ZNF217: variants seen among roughly 807,000 people sequenced by gnomAD.
The protein encoded by ZNF217 is zinc finger protein 217.
In ZNF217, 12 loss-of-function variants were observed where a neutral mutation model predicts 73.3. That is an observed-to-expected ratio of 0.16 (90% CI 0.10 to 0.27). The LOEUF (loss-of-function observed/expected upper bound fraction) is 0.27, where lower values mean the gene tolerates loss of function less well. Among genes scored for constraint, ZNF217 ranks in the 10% least tolerant of loss-of-function variants. The probability of loss-of-function intolerance (pLI) is 1.00; values close to 1 mark genes in which losing one functional copy is unlikely to be tolerated. For missense variants in ZNF217, 1,195 were observed against 1,327.8 expected (o/e 0.90, Z 1.55); for synonymous variants, 588 against 516.4 (o/e 1.14, Z -1.88).
upstream of ZNF217, among the ~76,000 whole-genome samples, chr20:53,596,057 T>A (rs1989036027): frequency 6.6e-6 from 1 of 152,096 alleles, no homozygotes; most frequent in South Asian, 2.1e-4. Context: ...AGGGAAACAA[T>A]CAAATATTTT....
At chr20:53,591,105 G>A (rs1240665661) in intron 1 of ZNF217, among the ~76,000 whole-genome samples, 5 of 152,060 alleles carry the variant, frequency 3.3e-5, no homozygotes, top group African/African-American at 1.2e-4. Flanking sequence ...AGGGTAAAGG[G>A]GAGAAAAGTT....
At position 53,576,945 on chromosome 20, in the gene ZNF217, C is replaced by T; in HGVS notation, c.1819G>A (p.Ala607Thr). The stretch of plus-strand genomic sequence containing the variant: ...TTCACTTTATCAGCACTGTCATCAG[C>T]TGCATTTTTATGGAAATCCTGAGTA... The part of the protein sequence containing the change: ...KDTQDFHKNA[A>T]DDSADKVNKN... The change falls in exon 4 of 6, where the codon GCT becomes ACT. Residue 607 changes from alanine (A) to threonine (T), a missense_variant. By Grantham distance (58) the Ala-to-Thr change is moderately conservative. Transcript: ENST00000371471. 6.2e-7 allele frequency: 1 copy of T among 1,614,190 alleles called. No individual in the cohort carries two copies. Among genetic ancestry groups the T allele is most frequent in the Non-Finnish European group, 8.5e-7 (1 of 1,180,044 alleles).
intron 4 of ZNF217, among the ~76,000 whole-genome samples, chr20:53,573,251 G>C (rs1988097058): frequency 1.3e-5 from 2 of 151,918 alleles, no homozygotes; most frequent in African/African-American, 4.8e-5. Flanking sequence ...AGCCTCTGGA[G>C]TAGCTGGGAT....
Position 53,578,426 on chromosome 20 carries a change from A to C in ZNF217, c.1391T>G (p.Ile464Arg), listed in dbSNP as rs1451565861. 1 of 1,569,926 alleles carries C rather than the reference A, an allele frequency of 6.4e-7. No homozygotes were observed. The highest frequency in any genetic ancestry group is 2.3e-5 in the East Asian group (1 of 43,280). The change falls in exon 3 of 6, where the codon ATA becomes AGA. Residue 464 changes from isoleucine (I) to arginine (R), a missense_variant. Transcript: ENST00000371471. ...CTCTCTTGAAGATGTAAGATGTTTT[A>C]TTTTTCCTCCATCATCATTTTTATC... is the stretch of plus-strand genomic sequence containing the variant. ...HLDKNDDGGK[I>R]KHLTSSRECS... is the part of the protein sequence containing the mutation.
chr20:53,575,035 T>C (rs1034332377), intron 4 of ZNF217: 7 of 152,036 alleles, frequency 4.6e-5, no homozygotes, highest in African/African-American at 1.2e-4. Flanking sequence ...AAAAATAAAA[T>C]TGACAAGAAA....
At chr20:53,569,477 G>C (rs1202659380) in intron 5 of ZNF217, among the ~76,000 whole-genome samples, 1 of 152,106 alleles carries the variant, frequency 6.6e-6, no homozygotes, top group African/African-American at 2.4e-5. Flanking sequence ...CTACCTCCCA[G>C]GTTCAAGCGA....
In ZNF217 at chr20:53,582,645, C is replaced by T. The variant is rs1384658831; in HGVS notation, c.182G>A (p.Gly61Glu). ...TQEKNVIQIE[G>E]YMPLDCMFCS... ...GAACATGCAATCCAAGGGCATATAC[C>T]CCTCGATTTGGATGACATTTTTTTC... Residue 61 changes from glycine (G) to glutamate (E), a missense_variant, in exon 2 of 6, where the codon GGG (glycine) becomes GAG (glutamate). Around this residue, in one of 9 missense-constraint regions of ZNF217, gnomAD observed 147 missense variants for 184.3 expected, o/e 0.80. Transcript: ENST00000371471. The surrounding 1 kb of genome is among the most constrained non-coding windows in gnomAD (Gnocchi z 4.8). The T allele has an allele frequency of 6.2e-7, 1 of 1,614,076 alleles. No homozygotes were observed. The highest frequency in any genetic ancestry group is 2.2e-5 in the East Asian group (1 of 44,874).
upstream of ZNF217, among the ~76,000 whole-genome samples, chr20:53,595,014 C>A (rs1600735691): frequency 9.4e-6 from 1 of 106,174 alleles, no homozygotes; most frequent in South Asian, 3.3e-4. Context: ...GATAGAAATC[C>A]ATTTGGAGGA....
chr20:53,579,388 A>C (rs938386400), intron 2 of ZNF217, among the ~76,000 whole-genome samples: 2 of 152,234 alleles, frequency 1.3e-5, no homozygotes, highest in African/African-American at 4.8e-5. Context: ...AGAAAAAAAA[A>C]TTTACTTGAT....
At chr20:53,591,895 A>G (rs1009926173) in intron 1 of ZNF217, among the ~76,000 whole-genome samples, 17 of 152,260 alleles carry the variant, frequency 1.1e-4, no homozygotes, top group African/African-American at 4.1e-4. Context: ...TTCAGGGGAA[A>G]GAAGTACAGT....
chr20:53,581,904 G>T lies in ZNF217; in HGVS notation c.923C>A (p.Ala308Asp), dbSNP rs749993388. 2 of 1,614,236 alleles carry T rather than the reference G, an allele frequency of 1.2e-6. No individual in the cohort carries two copies. The highest frequency in any genetic ancestry group is 1.1e-5 in the South Asian group (1 of 91,082). The change falls in exon 2 of 6, where the codon GCC (alanine) becomes GAC (aspartate). Residue 308 changes from alanine (A) to aspartate (D), a missense_variant. Ala to Asp is a moderately radical substitution (Grantham distance 126, BLOSUM62 -2). This residue lies in a region of ZNF217 where 11 missense variants were observed against 30.5 expected (regional missense o/e 0.36). Transcript: ENST00000371471. This position sits in a 1 kb window ranked among gnomAD's most constrained non-coding sequence, Gnocchi z 4.9. ...CGATTCCTTCACTTCTTGGCAAATG[G>T]CAACTTTTCCTTTGGTAGCCAGCTG... ...AWQLATKGKVAICQEVKESGQ... is the reference protein window; with the variant it reads ...AWQLATKGKVDICQEVKESGQ...
Position 53,576,052 on chromosome 20 carries a change from A to C in ZNF217, c.2712T>G (p.Ser904Arg). 1 of 1,614,028 alleles carries C rather than the reference A, an allele frequency of 6.2e-7. No homozygotes were observed. The highest frequency in any genetic ancestry group is 8.5e-7 in the Non-Finnish European group (1 of 1,180,014). The change falls in exon 4 of 6, where the codon AGT (serine) becomes AGG (arginine). Residue 904 changes from serine to arginine, a missense_variant. By Grantham distance (110) the Ser-to-Arg change is moderately radical. Around this residue, in one of 9 missense-constraint regions of ZNF217, gnomAD observed 649 missense variants for 642.8 expected, o/e 1.01. Transcript: ENST00000371471. ...PPGRDYFCNR[S>R]ASNTAAEFGE... Reference sequence around the variant, plus strand: ...CAAATTCTGCTGCAGTATTGCTGGCACTCCGATTACAGAAATAGTCTCTTC... The same window carrying C: ...CAAATTCTGCTGCAGTATTGCTGGCCCTCCGATTACAGAAATAGTCTCTTC...
intron 1 of ZNF217, among the ~76,000 whole-genome samples, chr20:53,593,366 G>A (rs1046238806): frequency 2.6e-5 from 4 of 152,044 alleles, no homozygotes; most frequent in Non-Finnish European, 5.9e-5. Context: ...CGCGCCCCAA[G>A]GGCCAACTGG....
upstream of ZNF217, chr20:53,593,853 C>A (rs67150672): frequency 0.36 from 45,157 of 126,050 alleles, 8,612 homozygotes; most frequent in East Asian, 0.47. Context: ...GAGGAGCGGG[C>A]GCGGAGGGGA....
At chr20:53,569,286 A>T (rs760697018) in intron 5 of ZNF217, 22 bp from the exon 6 acceptor site, 1 of 1,287,790 alleles carries the variant, frequency 7.8e-7, no homozygotes, top group African/African-American at 1.5e-5. Context: ...AACATTTTTT[A>T]AATGATTAAG....
Position 53,582,112 on chromosome 20 carries a change from T to A in ZNF217, c.715A>T (p.Thr239Ser), listed in dbSNP as rs779025656. The A allele has an allele frequency of 6.3e-5, 102 of 1,614,202 alleles. 2 individuals carry two copies. In the East Asian group the frequency reaches 2.3e-3, roughly 36 times the overall value. Residue 239 changes from threonine to serine, a missense_variant, in exon 2 of 6, where the codon ACC becomes TCC. Physicochemically the swap from Thr to Ser is moderately conservative, Grantham distance 58. Transcript: ENST00000371471. This position sits in a 1 kb window ranked among gnomAD's most constrained non-coding sequence, Gnocchi z 4.8. ...CTGGTACCGAAAGCAGTTTTTTTGG[T>A]GTGCACCTTGCGGTGCTCAATTAGA... ...ESLIEHRKVH[T>S]KKTAFGTSSA...
Position 53,581,984 on chromosome 20 carries a change from C to T in ZNF217, c.843G>A (p.Lys281=). ...LRPKSHPETG[K]KPVRCIPQLD... The stretch of plus-strand genomic sequence containing the variant: ...GCTGAGGGATGCATCTGACAGGCTT[C>T]TTCCCCGTTTCAGGGTGAGATTTTG... The change falls in exon 2 of 6, where the codon AAG becomes AAA. Residue 281 remains lysine, a synonymous_variant. Transcript: ENST00000371471. The surrounding 1 kb of genome is among the most constrained non-coding windows in gnomAD (Gnocchi z 4.9). 6.2e-7 allele frequency: 1 copy of T among 1,614,202 alleles called. No homozygotes were observed. The highest frequency in any genetic ancestry group is 8.5e-7 in the Non-Finnish European group (1 of 1,180,036).
At chr20:53,593,261 G>A (rs977896119) in intron 1 of ZNF217, among the ~76,000 whole-genome samples, 10 of 152,062 alleles carry the variant, frequency 6.6e-5, no homozygotes, top group Non-Finnish European at 1.5e-4. Context: ...ACGGGGGGAT[G>A]CCCGTCCGGA....
In ZNF217 at chr20:53,576,126, C is replaced by T. The variant is rs558159784; in HGVS notation, c.2638G>A (p.Gly880Ser). The T allele has an allele frequency of 6.8e-6, 11 of 1,614,194 alleles. No homozygotes were observed. The East Asian group carries it at 1.1e-4, about 16-fold the overall frequency. Reference sequence around the variant, plus strand: ...TTCTTGGCGGGGTAGTCGATGGAACCATTGATGTTACTGCTGCCGAGGGTG... The same window carrying T: ...TTCTTGGCGGGGTAGTCGATGGAACTATTGATGTTACTGCTGCCGAGGGTG... ...QPTLGSSNIN[G>S]SIDYPAKNDS... The change falls in exon 4 of 6, where the codon GGT becomes AGT. Residue 880 changes from glycine to serine, a missense_variant. Around this residue, in one of 9 missense-constraint regions of ZNF217, gnomAD observed 649 missense variants for 642.8 expected, o/e 1.01. Coordinates refer to ENST00000371471, the MANE Select transcript of ZNF217 (RefSeq NM_006526.3).
Sources: gnomAD v4.1 joint callset for allele counts (sites outside exome capture counted in the v4.1 genomes callset) on GRCh38, gnomAD v4.1.1 for gene constraint, gnomAD v4.1.1 regional missense constraint, Gnocchi (gnomAD v3.1) non-coding constraint, MANE v1.5 for transcripts, NCBI Gene and HGNC (gene_info 2026-07-23, HGNC 2026-07-21) for gene names.